The following TBXAS1 variants were observed in gnomAD, a reference collection of about 807,000 sequenced individuals.
TBXAS1 encodes the protein thromboxane A synthase 1.
TBXAS1 carries 48 observed loss-of-function variants against 60.7 expected under a neutral mutation model. That is an observed-to-expected ratio of 0.79 (90% CI 0.63 to 1.01). TBXAS1 has a LOEUF of 1.01. TBXAS1 is among the 50% of genes least tolerant of loss of function. The probability of loss-of-function intolerance (pLI) is 0.00; values close to 1 mark genes in which losing one functional copy is unlikely to be tolerated. For synonymous variants in TBXAS1, 287 were observed against 269.7 expected (o/e 1.06, Z -0.63); for missense variants, 685 against 686.3 (o/e 1.00, Z 0.02).
Position 140,020,284 on chromosome 7 carries a change from A to G in TBXAS1, c.*185A>G. Reference sequence around the variant, plus strand: ...TAAACGTTTGTTGCACTTGGTTTTGACATTGCCAATGGGGTTTGAACCAGT... The same window carrying G: ...TAAACGTTTGTTGCACTTGGTTTTGGCATTGCCAATGGGGTTTGAACCAGT... On this transcript the variant is annotated 3_prime_UTR_variant, in exon 13 of 13. Coordinates refer to ENST00000448866, the MANE Select transcript of TBXAS1 (RefSeq NM_001061.7). The G allele has an allele frequency of 2.8e-6, 2 of 709,614 alleles. No individual in the cohort carries two copies. Among genetic ancestry groups the G allele is most frequent in the East Asian group, 5.4e-5 (2 of 36,948 alleles). The allele number at this position is 709,614 out of a possible 1,614,324, so 44.0% of individuals were successfully genotyped here.
intron 5 of TBXAS1, among the ~76,000 whole-genome samples, chr7:139,945,502 G>A (rs750459610): frequency 5.9e-5 from 9 of 152,124 alleles, no homozygotes; most frequent in Non-Finnish European, 7.4e-5. Context: ...CTATGTCAAG[G>A]CTCTCAAGGA....
In TBXAS1 at chr7:139,920,893, C is replaced by A. The variant is rs137948026; in HGVS notation, c.333+9572C>A. Among the ~76,000 whole-genome samples, 1,219 of 152,242 alleles carry A rather than the reference C, an allele frequency of 8.0e-3. 16 individuals are homozygous for A. The highest frequency in any genetic ancestry group is 0.028 in the African/African-American group (1,168 of 41,538). On this transcript the variant is annotated intron_variant, in intron 4 of 12. Coordinates refer to ENST00000448866, the MANE Select transcript of TBXAS1 (RefSeq NM_001061.7). ...TGATACCCCAATACAGCCCGACAAG[C>A]GTGTGCTCAATGAAGGTTCCCAGAT...
At chr7:140,010,604 G>T (rs1257781631) in intron 10 of TBXAS1, among the ~76,000 whole-genome samples, 1 of 152,194 alleles carries the variant, frequency 6.6e-6, no homozygotes, top group Non-Finnish European at 1.5e-5. Context: ...GGAACTGCGG[G>T]TACAGACATC....
At chr7:139,978,775 CAAAAAAAA>C (rs35583867) in intron 9 of TBXAS1, among the ~76,000 whole-genome samples, 59 of 90,992 alleles carry the variant, frequency 6.5e-4, no homozygotes, top group Middle Eastern at 4.4e-3. Context: ...CCTGCCTCTA[CAAAAAAAA>C]AAAAAAAAAA....
At chr7:139,781,469 C>G (rs1796985201) in intron 2 of TBXAS1, among the ~76,000 whole-genome samples, 2 of 152,106 alleles carry the variant, frequency 1.3e-5, no homozygotes, top group Admixed American at 1.3e-4. Context: ...ACAGCCAGGA[C>G]GGGGGATTCC....
At chr7:139,862,491 G>T (rs139855454) in intron 1 of TBXAS1, among the ~76,000 whole-genome samples, 1 of 152,326 alleles carries the variant, frequency 6.6e-6, no homozygotes, top group Non-Finnish European at 1.5e-5. Context: ...AGTTGGAGTG[G>T]GGGGAGGAGA....
At chr7:139,950,705 C>CCCACTCCTTCAGCAGAGGAGTTGGG (rs1809158202) in intron 5 of TBXAS1, among the ~76,000 whole-genome samples, 1 of 123,358 alleles carries the variant, frequency 8.1e-6, no homozygotes, top group East Asian at 2.6e-4. Context: ...ATCTACGGGA[C>CCCACTCCTTCAGCAGAGGAGTTGGG]CCCCTCGCCC....
chr7:139,800,886 A>G (rs1797706676), intron 4 of TBXAS1, among the ~76,000 whole-genome samples: 1 of 151,878 alleles, frequency 6.6e-6, no homozygotes, highest in African/African-American at 2.4e-5. Flanking sequence ...AACTCATTCA[A>G]CTCCATCCAA....
chr7:139,808,168 CAAA>C (rs753070484), intron 4 of TBXAS1, among the ~76,000 whole-genome samples: 7 of 137,334 alleles, frequency 5.1e-5, no homozygotes, highest in African/African-American at 1.9e-4. Flanking sequence ...CCCATCTCTA[CAAA>C]AAAAAAAAAT....
intron 5 of TBXAS1, among the ~76,000 whole-genome samples, chr7:139,947,536 C>A (rs1388385085): frequency 6.6e-6 from 1 of 152,218 alleles, no homozygotes; most frequent in Non-Finnish European, 1.5e-5. Flanking sequence ...GCATGTCCTG[C>A]ACATGTATCC....
At chr7:140,014,085 C>CA (rs1310891517) in intron 10 of TBXAS1, among the ~76,000 whole-genome samples, 1 of 152,174 alleles carries the variant, frequency 6.6e-6, no homozygotes, top group Non-Finnish European at 1.5e-5. Context: ...AAGAAGCAGA[C>CA]AAAACTGCAT....
intron 4 of TBXAS1, among the ~76,000 whole-genome samples, chr7:139,927,334 C>A (rs1197141465): frequency 1.3e-5 from 2 of 152,032 alleles, no homozygotes; most frequent in Admixed American, 1.3e-4. Context: ...GTTATCATAT[C>A]TTGCAAATAA....
intron 5 of TBXAS1, among the ~76,000 whole-genome samples, chr7:139,938,616 T>A (rs1808003693): frequency 6.6e-6 from 1 of 152,166 alleles, no homozygotes; most frequent in South Asian, 2.1e-4. Context: ...TGCCCCTTTA[T>A]CACATCCAGC....
intron 1 of TBXAS1, among the ~76,000 whole-genome samples, chr7:139,841,800 C>T (rs895610573): frequency 6.6e-6 from 1 of 152,142 alleles, no homozygotes; most frequent in Non-Finnish European, 1.5e-5. Flanking sequence ...TTATGACCTT[C>T]GGAGGCATTT....
intron 1 of TBXAS1, among the ~76,000 whole-genome samples, chr7:139,844,687 A>C (rs993972155): frequency 3.3e-5 from 5 of 152,344 alleles, no homozygotes; most frequent in East Asian, 3.9e-4. Flanking sequence ...GCTGTAAAGC[A>C]GTGAAGAGGG....
chr7:139,966,403 A>G (rs1810791944), intron 9 of TBXAS1, among the ~76,000 whole-genome samples: 1 of 152,014 alleles, frequency 6.6e-6, no homozygotes, highest in South Asian at 2.1e-4. Flanking sequence ...CCTATAACTG[A>G]AAACTCCAGA....
chr7:139,853,685 C>G (rs747592221), intron 1 of TBXAS1, among the ~76,000 whole-genome samples: 5 of 152,156 alleles, frequency 3.3e-5, no homozygotes, highest in Non-Finnish European at 7.3e-5. Flanking sequence ...TGTTGGGGTT[C>G]ACCGGAGGCA....
At chr7:139,926,039 T>C (rs1397476431) in intron 4 of TBXAS1, among the ~76,000 whole-genome samples, 2 of 152,212 alleles carry the variant, frequency 1.3e-5, no homozygotes, top group Non-Finnish European at 2.9e-5. Context: ...TTTGCTAGTA[T>C]TTTGTTAACG....
intron 1 of TBXAS1, among the ~76,000 whole-genome samples, chr7:139,839,884 T>C (rs567660791): frequency 3.4e-5 from 5 of 148,246 alleles, no homozygotes; most frequent in African/African-American, 1.3e-4. Context: ...CTTGGGAGGC[T>C]GAGGCAGGAG....
Sources: allele counts gnomAD v4.1 joint callset (sites outside exome capture counted in the v4.1 genomes callset), GRCh38; gene constraint gnomAD v4.1.1; transcripts MANE v1.5; gene names NCBI Gene and HGNC (gene_info 2026-07-23, HGNC 2026-07-21).